SFMBT2: variants seen among roughly 807,000 people sequenced by gnomAD.
SFMBT2 encodes Scm like with four mbt domains 2.
SFMBT2 carries 38 observed loss-of-function variants against 110.1 expected under a neutral mutation model. The ratio of observed to expected loss-of-function variants is 0.35; its 90% confidence interval spans 0.27 to 0.45. SFMBT2 has a LOEUF of 0.45. SFMBT2 is among the 20% of genes least tolerant of loss of function. The pLI, the probability that SFMBT2 is intolerant of heterozygous loss-of-function variation, is 1.00. For missense variants in SFMBT2, 1,011 were observed against 1,094.9 expected, an observed-to-expected ratio of 0.92 and a Z score of 1.08; for synonymous variants, 425 against 425.4, an observed-to-expected ratio of 1.00 and a Z score of 0.01.
Position 7,164,029 on chromosome 10 carries a change from A to C in SFMBT2, c.2545-119T>G, listed in dbSNP as rs999361658. ...CAACAGGATGCTCTTGTTTCATTCA[A>C]TTCAGGGGATTGTTGGTAGAGATAC... is the stretch of plus-strand genomic sequence containing the variant. On this transcript the variant is annotated intron_variant, in intron 20 of 20. Transcript: ENST00000397167. 7.1e-6 allele frequency: 10 copies of C among 1,406,860 alleles called. No individual in the cohort carries two copies. The African/African-American group carries it at 1.3e-4, about 19-fold the overall frequency. 87.1% of individuals were successfully genotyped at this position (1,406,860 alleles called of 1,614,324 possible). A position where few individuals can be genotyped will look rare whatever the true frequency, so the allele number is the denominator to read the frequency against.
chr10:7,302,750 T>C (rs1842587869), intron 4 of SFMBT2, among the ~76,000 whole-genome samples: 1 of 152,188 alleles, frequency 6.6e-6, no homozygotes, highest in South Asian at 2.1e-4. Context: ...CTCCTCAGTT[T>C]AGGTGGAGCT....
chr10:7,168,997 C>T (rs1201599349), intron 20 of SFMBT2, among the ~76,000 whole-genome samples: 1 of 152,142 alleles, frequency 6.6e-6, no homozygotes, highest in Non-Finnish European at 1.5e-5. Flanking sequence ...GAGTCTTACT[C>T]TGTTGCCCAG....
intron 4 of SFMBT2, among the ~76,000 whole-genome samples, chr10:7,327,300 C>T (rs1228269940): frequency 1.3e-5 from 2 of 151,980 alleles, no homozygotes; most frequent in Non-Finnish European, 2.9e-5. Context: ...CCATTCCCAC[C>T]ACCACCATCA....
intron 10 of SFMBT2, among the ~76,000 whole-genome samples, chr10:7,225,886 C>T (rs573963808): frequency 6.6e-6 from 1 of 151,916 alleles, no homozygotes; most frequent in Non-Finnish European, 1.5e-5. Context: ...TTTCCACGGC[C>T]CTCAATGAAA....
intron 4 of SFMBT2, among the ~76,000 whole-genome samples, chr10:7,302,165 C>T (rs966627527): frequency 2.0e-5 from 3 of 152,166 alleles, no homozygotes; most frequent in African/African-American, 2.4e-5. Context: ...CCTAAATCTT[C>T]GTGCCTGTGT....
chr10:7,357,874 C>T (rs484300), intron 4 of SFMBT2, among the ~76,000 whole-genome samples: 11,060 of 152,314 alleles, frequency 0.073, 542 homozygotes, highest in Non-Finnish European at 0.11. Context: ...GAGGCACGAC[C>T]GTTGGTATGG....
intron 4 of SFMBT2, among the ~76,000 whole-genome samples, chr10:7,315,070 A>AG (rs1842964572): frequency 1.4e-5 from 2 of 143,254 alleles, no homozygotes; most frequent in African/African-American, 5.2e-5. Context: ...GAAAGAAAGA[A>AG]AGAAAGAAAG....
chr10:7,285,975 G>C, intron 4 of SFMBT2, 21 bp from the exon 5 acceptor site: 1 of 862,316 alleles, frequency 1.2e-6, no homozygotes, highest in Non-Finnish European at 2.0e-6. Context: ...AAAGGAGAAA[G>C]AAAAACAAAA....
intron 1 of SFMBT2, among the ~76,000 whole-genome samples, chr10:7,390,416 A>G (rs1220801312): frequency 6.6e-6 from 1 of 152,230 alleles, no homozygotes; most frequent in Non-Finnish European, 1.5e-5. Context: ...TCCACAAATG[A>G]TTCACGGCAA....
At chr10:7,399,367 G>C (rs906605983) in intron 1 of SFMBT2, among the ~76,000 whole-genome samples, 1 of 151,964 alleles carries the variant, frequency 6.6e-6, no homozygotes, top group African/African-American at 2.4e-5. Context: ...CAAGTACCTG[G>C]GATTACAGGC....
chr10:7,331,445 T>C (rs915090410), intron 4 of SFMBT2, among the ~76,000 whole-genome samples: 1 of 152,220 alleles, frequency 6.6e-6, no homozygotes, highest in Admixed American at 6.5e-5. Flanking sequence ...CTTTACCTTA[T>C]AAAGACAGGA....
At chr10:7,277,186 C>T (rs1397714206) in intron 6 of SFMBT2, among the ~76,000 whole-genome samples, 197 bp from the exon 7 acceptor site, 10 of 152,180 alleles carry the variant, frequency 6.6e-5, no homozygotes, top group African/African-American at 1.2e-4. Context: ...TGGGATTCTG[C>T]TGTCAGAAAT....
At chr10:7,360,018 C>A (rs960253646) in intron 4 of SFMBT2, among the ~76,000 whole-genome samples, 2 of 152,168 alleles carry the variant, frequency 1.3e-5, no homozygotes, top group African/African-American at 4.8e-5. Flanking sequence ...AGAATAATAC[C>A]AGCCACTTCA....
intron 15 of SFMBT2, among the ~76,000 whole-genome samples, chr10:7,193,382 CAAAT>C (rs1230020473): frequency 2.0e-5 from 3 of 152,174 alleles, no homozygotes; most frequent in Admixed American, 2.0e-4. Flanking sequence ...TATTTTAAGC[CAAAT>C]AAATTCTAAG....
In SFMBT2 at chr10:7,172,722, AGAG is replaced by A; in HGVS notation, c.1985-64_1985-62del. ...TACACACACACAGACATGAACAGAG[AGAG>A]GAGAGAGAAAGAAGGGAAACGATTC... On this transcript the variant is annotated intron_variant, in intron 17 of 20. Transcript: ENST00000397167. The surrounding 1 kb of genome is among the most constrained non-coding windows in gnomAD (Gnocchi z 4.6). 2 of 1,512,810 alleles carry A rather than the reference AGAG, an allele frequency of 1.3e-6. No homozygotes were observed. Among genetic ancestry groups the A allele is most frequent in the South Asian group, 1.3e-5 (1 of 79,202 alleles). The allele number at this position is 1,512,810 out of a possible 1,614,324, so 93.7% of individuals were successfully genotyped here.
At position 7,293,941 on chromosome 10, in the gene SFMBT2, A is replaced by G. The variant is rs368742776; in HGVS notation, c.437-7987T>C. On this transcript the variant is annotated intron_variant, in intron 4 of 20. Coordinates refer to ENST00000397167, the MANE Select transcript of SFMBT2 (RefSeq NM_001387889.1). The surrounding 1 kb of genome is among the most constrained non-coding windows in gnomAD (Gnocchi z 4.6). ...CATCTCATCAGTTACGCTGATGTGT[A>G]TCAGTGATGTATATCACAGACATCA... 9.2e-5 allele frequency among the ~76,000 whole-genome samples: 14 copies of G among 152,238 alleles called. No individual in the cohort carries two copies. Among genetic ancestry groups the G allele is most frequent in the South Asian group, 6.2e-4 (3 of 4,830 alleles).
chr10:7,376,212 G>C (rs150767493), intron 2 of SFMBT2, among the ~76,000 whole-genome samples: 1 of 152,042 alleles, frequency 6.6e-6, no homozygotes, highest in African/African-American at 2.4e-5. Context: ...TGGAATTTCC[G>C]CACACTTCCT....
In SFMBT2 at chr10:7,342,396, C is replaced by CTTTTTTT. The variant is rs71382101; in HGVS notation, c.436+25246_436+25252dup. Among the ~76,000 whole-genome samples the CTTTTTTT allele has an allele frequency of 4.7e-3, 327 of 69,646 alleles. 58 individuals carry two copies. The highest frequency in any genetic ancestry group is 0.01 in the Admixed American group (55 of 5,358). The allele number at this position is 69,646 out of a possible 152,430, so 45.7% of individuals were successfully genotyped here. On this transcript the variant is annotated intron_variant, in intron 4 of 20. Coordinates refer to ENST00000397167, the MANE Select transcript of SFMBT2 (RefSeq NM_001387889.1). ...ATTTAGGAATTGCACTGGAGTGAGT[C>CTTTTTTT]TTTTTTTTTTTTTTTTTTTTTTTTT...
intron 1 of SFMBT2, among the ~76,000 whole-genome samples, chr10:7,392,981 GATTATAT>G (rs2132107842): frequency 1.2e-5 from 1 of 81,520 alleles, no homozygotes; most frequent in East Asian, 5.3e-4. Context: ...TATGTGGATA[GATTATAT>G]ATATATATAT....
Sources: gnomAD v4.1 joint callset for allele counts (sites outside exome capture counted in the v4.1 genomes callset) on GRCh38, gnomAD v4.1.1 for gene constraint, Gnocchi (gnomAD v3.1) non-coding constraint, MANE v1.5 for transcripts, NCBI Gene and HGNC (gene_info 2026-07-23, HGNC 2026-07-21) for gene names.